Variants in MED13L observed in about 807,000 individuals in gnomAD.
MED13L encodes the protein mediator complex subunit 13L.
In MED13L, 7 loss-of-function variants were observed where a neutral mutation model predicts 220.9. The observed-to-expected ratio is 0.03, with a 90% confidence interval of 0.02 to 0.06. The LOEUF (loss-of-function observed/expected upper bound fraction) is 0.06. MED13L is among the 10% of genes least tolerant of loss of function. MED13L has a pLI of 1.00. For synonymous variants in MED13L, 1,011 were observed against 1,015.2 expected (o/e 1.00, Z 0.08); for missense variants, 1,965 against 2,760.5 (o/e 0.71, Z 6.46).
intron 2 of MED13L, among the ~76,000 whole-genome samples, chr12:116,195,279 C>A (rs1371483600): frequency 6.6e-6 from 1 of 151,886 alleles, no homozygotes; most frequent in African/African-American, 2.4e-5. Flanking sequence ...GTGGGGGCAA[C>A]AGGGAGAAGC....
At chr12:116,095,485 G>A (rs1351340761) in intron 4 of MED13L, among the ~76,000 whole-genome samples, 1 of 152,140 alleles carries the variant, frequency 6.6e-6, no homozygotes, top group Non-Finnish European at 1.5e-5. Context: ...AAAGATTTAA[G>A]GCAGACAGGT....
chr12:116,076,354 T>C (rs1042454339), intron 4 of MED13L, among the ~76,000 whole-genome samples: 3 of 151,980 alleles, frequency 2.0e-5, no homozygotes, highest in African/African-American at 4.8e-5. Flanking sequence ...CTGGACAACA[T>C]AGTAGGACTC....
intron 14 of MED13L, among the ~76,000 whole-genome samples, chr12:116,000,922 T>C (rs1189383259): frequency 6.6e-6 from 1 of 151,754 alleles, no homozygotes. Context: ...ATGTAAAACA[T>C]ACACTGTATT....
intron 1 of MED13L, among the ~76,000 whole-genome samples, chr12:116,271,040 CAAAAAAAAAAAA>C (rs58162276): frequency 5.3e-4 from 16 of 30,090 alleles, no homozygotes; most frequent in Non-Finnish European, 5.8e-4. Context: ...GACTCCGTCT[CAAAAAAAAAAAA>C]AAAAAAAAAA....
chr12:115,994,715 T>C (rs192181804), intron 16 of MED13L, among the ~76,000 whole-genome samples: 11 of 152,352 alleles, frequency 7.2e-5, no homozygotes, highest in Admixed American at 7.2e-4. Context: ...GGCAACTGTA[T>C]GTGCTAAGCT....
chr12:116,082,023 C>G (rs959002812), intron 4 of MED13L, among the ~76,000 whole-genome samples: 7 of 151,906 alleles, frequency 4.6e-5, no homozygotes, highest in Non-Finnish European at 8.8e-5. Context: ...GAATTAAATT[C>G]CCTCCAAAGA....
intron 2 of MED13L, among the ~76,000 whole-genome samples, chr12:116,200,968 G>C (rs1210805620): frequency 1.3e-5 from 2 of 152,144 alleles, no homozygotes; most frequent in Non-Finnish European, 2.9e-5. Flanking sequence ...CAGATCTGGA[G>C]AGAGCAGGTT....
chr12:116,006,228 A>G (rs964184059), intron 12 of MED13L, 78 bp downstream of exon 12: 1 of 1,393,804 alleles, frequency 7.2e-7, no homozygotes, highest in African/African-American at 1.4e-5. Context: ...ATAAGAATAA[A>G]ATTTTACATT....
rs560540839 is a variant in MED13L at position 115,961,559 on chromosome 12, C to T, written c.6501-161G>A. On this transcript the variant is annotated intron_variant, in intron 30 of 30. Transcript: ENST00000281928. The stretch of plus-strand genomic sequence containing the variant: ...CATCCTTTGTCTCATGTTCCTCCTT[C>T]CTTCTAGATATGGACTATCCAGTAC... The T allele has an allele frequency of 6.1e-4, 618 of 1,012,898 alleles. 8 individuals carry two copies. In the South Asian group the frequency reaches 7.1e-3, roughly 12 times the overall value. The allele number at this position is 1,012,898 out of a possible 1,614,324, so 62.7% of individuals were successfully genotyped here.
At chr12:116,266,945 C>G (rs1872876318) in intron 1 of MED13L, among the ~76,000 whole-genome samples, 1 of 152,196 alleles carries the variant, frequency 6.6e-6, no homozygotes, top group South Asian at 2.1e-4. Context: ...GCTGAGTTCT[C>G]TCTGTTCAAA....
intron 4 of MED13L, among the ~76,000 whole-genome samples, chr12:116,038,433 A>G (rs1881316099): frequency 6.6e-6 from 1 of 152,104 alleles, no homozygotes; most frequent in South Asian, 2.1e-4. Flanking sequence ...GAAATGGTGT[A>G]CCTTCCCAAA....
chr12:116,058,998 T>G (rs1869214428), intron 4 of MED13L, among the ~76,000 whole-genome samples: 1 of 152,256 alleles, frequency 6.6e-6, no homozygotes, highest in South Asian at 2.1e-4. Flanking sequence ...AGGTTTCCAT[T>G]TATACATTGA....
At chr12:116,009,287 C>A (rs1451510211) in intron 9 of MED13L, 155 bp from the exon 10 acceptor site, 27 of 696,796 alleles carry the variant, frequency 3.9e-5, no homozygotes, top group Non-Finnish European at 5.9e-5. Context: ...ACACAATACA[C>A]CCCAATGAAA....
In MED13L at chr12:115,963,619, C is replaced by T. The variant is rs143957009; in HGVS notation, c.6388-100G>A. 5.9e-4 allele frequency: 510 copies of T among 868,012 alleles called. No individual in the cohort carries two copies. In the African/African-American group the frequency reaches 6.3e-3, roughly 11 times the overall value. 53.8% of individuals were successfully genotyped at this position (868,012 alleles called of 1,614,324 possible). On this transcript the variant is annotated intron_variant, in intron 29 of 30. Coordinates refer to ENST00000281928, the MANE Select transcript of MED13L (RefSeq NM_015335.5). ...CCAGAAGCAGATGCTCCCAAAAGTC[C>T]GTAGAAGTCAGGGTTTCTGTGAGTC...
intron 2 of MED13L, among the ~76,000 whole-genome samples, chr12:116,209,610 C>G (rs907578447): frequency 5.3e-5 from 8 of 152,164 alleles, no homozygotes; most frequent in Non-Finnish European, 1.2e-4. Context: ...CTGTCCTCTT[C>G]TATGCTTTCC....
At chr12:116,253,208 GTTGCACTAAGCCAAGATGGCGCCA>G (rs1437035466) in intron 1 of MED13L, among the ~76,000 whole-genome samples, 1 of 149,726 alleles carries the variant, frequency 6.7e-6, no homozygotes, top group East Asian at 2.0e-4. Context: ...GGGGGCGGAG[GTTGCACTAAGCCAAGATGGCGCCA>G]TTGCACTCCA....
intron 2 of MED13L, among the ~76,000 whole-genome samples, chr12:116,223,948 T>C (rs1868696627): frequency 6.6e-6 from 1 of 152,186 alleles, no homozygotes; most frequent in African/African-American, 2.4e-5. Flanking sequence ...CAAACTTCTA[T>C]TACATTCATT....
chr12:116,160,400 A>G (rs1878765065), intron 2 of MED13L, among the ~76,000 whole-genome samples: 2 of 152,136 alleles, frequency 1.3e-5, no homozygotes, highest in South Asian at 4.1e-4. Context: ...GCATCATGAT[A>G]GTGGCCAACT....
intron 4 of MED13L, among the ~76,000 whole-genome samples, chr12:116,076,164 C>A (rs1361786068): frequency 1.3e-5 from 2 of 152,072 alleles, no homozygotes; most frequent in Non-Finnish European, 2.9e-5. Context: ...CCGCCCGCCT[C>A]GGCCTCCCAA....
Sources: allele counts gnomAD v4.1 joint callset (sites outside exome capture counted in the v4.1 genomes callset), GRCh38; gene constraint gnomAD v4.1.1; transcripts MANE v1.5; gene names NCBI Gene and HGNC (gene_info 2026-07-23, HGNC 2026-07-21).